POLA2: variants seen among roughly 807,000 people sequenced by gnomAD.
POLA2 encodes DNA polymerase alpha 2, accessory subunit.
A neutral mutation model predicts 82.8 loss-of-function variants in POLA2; 47 were observed. The observed-to-expected ratio is 0.57, with a 90% confidence interval of 0.45 to 0.72. The LOEUF is 0.72. Among genes scored for constraint, POLA2 ranks in the 30% least tolerant of loss-of-function variants. The probability of loss-of-function intolerance (pLI) is 0.00; values close to 1 mark genes in which losing one functional copy is unlikely to be tolerated. For missense variants in POLA2, 634 were observed against 728.1 expected (o/e 0.87, Z 1.49); for synonymous variants, 287 against 286.8 (o/e 1.00, Z -0.01).
In POLA2 at chr11:65,296,277, G is replaced by A. The variant is rs954622021; in HGVS notation, c.1647+287G>A. 9.2e-6 allele frequency: 3 copies of A among 325,942 alleles called. No individual in the cohort carries two copies. In the East Asian group the frequency reaches 1.9e-4, roughly 20 times the overall value. 20.2% of individuals were successfully genotyped at this position (325,942 alleles called of 1,614,324 possible). Reference sequence around the variant, plus strand: ...AGGGCTTTCACCAGGCCACATAGAGGTGACCTGGGGAAGATTTCATATGTA... The same window carrying A: ...AGGGCTTTCACCAGGCCACATAGAGATGACCTGGGGAAGATTTCATATGTA... On this transcript the variant is annotated intron_variant, in intron 17 of 17. Coordinates refer to ENST00000265465, the MANE Select transcript of POLA2 (RefSeq NM_002689.4).
intron 4 of POLA2, among the ~76,000 whole-genome samples, chr11:65,270,876 C>G (rs151100011): frequency 2.0e-5 from 3 of 152,342 alleles, no homozygotes; most frequent in African/African-American, 7.2e-5. Context: ...CTCCCACTGG[C>G]TTTTCGTCTT....
chr11:65,298,602 T>A lies in POLA2; in HGVS notation c.*1333T>A, dbSNP rs544755502. ...TAGATGACCTAACAGTGGCCAACTT[T>A]TGCCTCTCACCTTTCTGACGGTGAA... On this transcript the variant is annotated 3_prime_UTR_variant, in exon 18 of 18. Coordinates refer to ENST00000265465, the MANE Select transcript of POLA2 (RefSeq NM_002689.4). 2 of 152,402 alleles carry A rather than the reference T, an allele frequency of 1.3e-5. No individual in the cohort carries two copies. The highest frequency in any genetic ancestry group is 4.8e-5 in the African/African-American group (2 of 41,596). The allele number at this position is 152,402 out of a possible 1,614,324, so 9.4% of individuals were successfully genotyped here.
chr11:65,293,761 T>G, intron 13 of POLA2, among the ~76,000 whole-genome samples: 1 of 152,006 alleles, frequency 6.6e-6, no homozygotes, highest in East Asian at 1.9e-4. Context: ...GTGTAATGAG[T>G]CCAAGCTGTG....
At chr11:65,279,724 T>C (rs1949620733) in intron 7 of POLA2, 98 bp downstream of exon 7, 3 of 851,094 alleles carry the variant, frequency 3.5e-6, no homozygotes, top group Admixed American at 4.5e-5. Context: ...TTCTTGTCTG[T>C]GTTCTAGTTT....
chr11:65,294,472 C>A, intron 14 of POLA2, 74 bp from the exon 15 acceptor site: 1 of 1,341,686 alleles, frequency 7.5e-7, no homozygotes. Context: ...AGCCCTCAGA[C>A]AACCCCCACT....
intron 7 of POLA2, chr11:65,280,706 G>A (rs1225987105): frequency 4.9e-6 from 2 of 407,334 alleles, no homozygotes; most frequent in East Asian, 9.8e-5. Flanking sequence ...GACAGGGTGG[G>A]GTAGGCATCC....
Position 65,281,669 on chromosome 11 carries a change from G to C in POLA2, c.901-1G>C. On this transcript the variant is annotated splice_acceptor_variant, in intron 8 of 17. Coordinates refer to ENST00000265465, the MANE Select transcript of POLA2 (RefSeq NM_002689.4). LOFTEE classifies it high-confidence loss of function. ...CAATCCTGTTTGTTTTTGTCTTTCA[G>C]GTTGTAATTATGGAAGGAATCAACA... 1.2e-6 allele frequency: 2 copies of C among 1,612,414 alleles called. No homozygotes were observed. Among genetic ancestry groups the C allele is most frequent in the Non-Finnish European group, 1.7e-6 (2 of 1,178,482 alleles).
chr11:65,279,991 G>A (rs55760428), intron 7 of POLA2: 7,452 of 196,716 alleles, frequency 0.038, 196 homozygotes, highest in Non-Finnish European at 0.058. Context: ...TTGTTCTCTG[G>A]ACAATGACTC....
chr11:65,281,570 T>G, intron 8 of POLA2, 100 bp from the exon 9 acceptor site: 10 of 833,650 alleles, frequency 1.2e-5, no homozygotes, highest in Non-Finnish European at 1.6e-5. Flanking sequence ...GATTACAGAA[T>G]GAGAGTAGTT....
At chr11:65,292,767 G>A (rs1949768863) in intron 13 of POLA2, among the ~76,000 whole-genome samples, 1 of 152,214 alleles carries the variant, frequency 6.6e-6, no homozygotes. Flanking sequence ...GGTGACAGCT[G>A]TCACCAGCAC....
intron 4 of POLA2, among the ~76,000 whole-genome samples, chr11:65,271,431 C>G (rs995964905): frequency 6.6e-6 from 1 of 152,222 alleles, no homozygotes; most frequent in African/African-American, 2.4e-5. Context: ...TGTCAGTAGA[C>G]TGATGCGTAA....
chr11:65,293,034 A>C (rs1202665224), intron 13 of POLA2, among the ~76,000 whole-genome samples: 1 of 152,312 alleles, frequency 6.6e-6, no homozygotes. Context: ...CTTCACTTGT[A>C]TGTTGTAACC....
At chr11:65,294,306 A>G (rs1407704118) in intron 14 of POLA2, 45 bp downstream of exon 14, 1 of 1,467,052 alleles carries the variant, frequency 6.8e-7, no homozygotes, top group East Asian at 2.3e-5. Flanking sequence ...AGAATCCAGC[A>G]TGCCTCTGCC....
chr11:65,284,969 T>G (rs1319888095), intron 10 of POLA2, among the ~76,000 whole-genome samples: 3 of 152,176 alleles, frequency 2.0e-5, no homozygotes, highest in Admixed American at 2.0e-4. Context: ...GAGTGAAATT[T>G]AGGACCTTGT....
intron 2 of POLA2, 47 bp from the exon 3 acceptor site, chr11:65,267,430 T>C (rs1949472984): frequency 8.8e-7 from 1 of 1,132,702 alleles, no homozygotes; most frequent in African/African-American, 1.6e-5. Context: ...ACACCTCTGC[T>C]ATTACTTGAC....
rs1949461644 is a variant in POLA2 at position 65,266,523 on chromosome 11, C to T, written c.80-59C>T. On this transcript the variant is annotated intron_variant, in intron 1 of 17. Transcript: ENST00000265465. ...GTAAACCAGGATTATTTTTGCTTTTCTAGGTGAAACTTCGAGAAATGAACT... is the reference window on the plus strand; with the variant it reads ...GTAAACCAGGATTATTTTTGCTTTTTTAGGTGAAACTTCGAGAAATGAACT... The T allele has an allele frequency of 2.5e-6, 4 of 1,590,664 alleles. No homozygotes were observed. In the African/African-American group the frequency reaches 5.4e-5, roughly 21 times the overall value.
In POLA2 at chr11:65,267,503, C is replaced by T. The variant is rs150431615; in HGVS notation, c.231C>T (p.Ala77=). 1.9e-4 allele frequency: 310 copies of T among 1,611,254 alleles called. No individual in the cohort carries two copies. The highest frequency in any genetic ancestry group is 2.5e-4 in the Non-Finnish European group (299 of 1,178,730). ...TTCTGAGCAAAAGATTATCGAAAGC[C>T]AGGCATAGTACCTGCAAGGACAGTG... ...HEFLSKRLSK[A]RHSTCKDSGH... The change falls in exon 3 of 18, where the codon GCC becomes GCT. Residue 77 remains alanine, a synonymous_variant. Transcript: ENST00000265465.
intron 6 of POLA2, 60 bp from the exon 7 acceptor site, chr11:65,279,478 C>T (rs1949616820): frequency 1.8e-6 from 2 of 1,097,498 alleles, no homozygotes; most frequent in South Asian, 1.4e-5. Flanking sequence ...GCTGTATTTT[C>T]TCTTCTTGGC....
chr11:65,264,482 C>T (rs1949436771), intron 1 of POLA2, among the ~76,000 whole-genome samples: 1 of 152,192 alleles, frequency 6.6e-6, no homozygotes, highest in East Asian at 1.9e-4. Flanking sequence ...TGGGATTACA[C>T]TGCGCCAGGC....
Sources: allele counts gnomAD v4.1 joint callset (sites outside exome capture counted in the v4.1 genomes callset), GRCh38; gene constraint gnomAD v4.1.1; transcripts MANE v1.5; gene names NCBI Gene and HGNC (gene_info 2026-07-23, HGNC 2026-07-21).